Variants in INO80D observed in about 807,000 individuals in gnomAD.
INO80D encodes the protein INO80 complex subunit D.
In INO80D, 21 loss-of-function variants were observed where a neutral mutation model predicts 87.6. The observed-to-expected ratio is 0.24, with a 90% CI of 0.17 to 0.35. The LOEUF (loss-of-function observed/expected upper bound fraction) is 0.35, where lower values mean the gene tolerates loss of function less well. Ranked by LOEUF, INO80D falls within the 10% of genes least tolerant of loss-of-function variation. The pLI is 1.00. For missense variants in INO80D, 982 were observed against 1,280.7 expected (o/e 0.77, Z 3.56); for synonymous variants, 440 against 491.0 (o/e 0.90, Z 1.37).
chr2:206,050,699 T>C (rs556890742), intron 4 of INO80D, among the ~76,000 whole-genome samples: 2 of 152,232 alleles, frequency 1.3e-5, no homozygotes, highest in Non-Finnish European at 2.9e-5. Flanking sequence ...CCGGGCGCGG[T>C]GGCTCACGCC....
intron 6 of INO80D, among the ~76,000 whole-genome samples, chr2:206,027,837 A>AT (rs2105833220): frequency 6.6e-6 from 1 of 152,296 alleles, no homozygotes; most frequent in Non-Finnish European, 1.5e-5. Flanking sequence ...TAAGCATTCT[A>AT]TTTTTTTAAA....
chr2:206,015,809 C>A (rs533387996), intron 8 of INO80D, among the ~76,000 whole-genome samples: 1 of 152,110 alleles, frequency 6.6e-6, no homozygotes, highest in African/African-American at 2.4e-5. Flanking sequence ...ATTGCTTAAA[C>A]CTTGAAAGCA....
chr2:206,004,775 G>C lies in INO80D; in HGVS notation c.2677C>G (p.Leu893Val). The C allele has an allele frequency of 6.2e-7, 1 of 1,614,010 alleles. No individual in the cohort carries two copies. Among genetic ancestry groups the C allele is most frequent in the South Asian group, 1.1e-5 (1 of 91,080 alleles). The change falls in exon 11 of 11, where the codon CTC (leucine) becomes GTC (valine). Residue 893 changes from leucine (L) to valine (V), a missense_variant. Transcript: ENST00000403263. This position sits in a 1 kb window ranked among gnomAD's most constrained non-coding sequence, Gnocchi z 4.9. ...GAGGGGTCTCCAAGGTTGACAGGGA[G>C]ATTGCCCCAGTGAGTTCTGGGGTTT... is the stretch of plus-strand genomic sequence containing the variant. ...VVNPRTHWGN[L>V]PVNLGDPSPF... is the part of the protein sequence containing the mutation.
Position 206,018,203 on chromosome 2 carries a change from C to T in INO80D, c.1409-390G>A, listed in dbSNP as rs757448688. Among the ~76,000 whole-genome samples, 4 of 152,180 alleles carry T rather than the reference C, an allele frequency of 2.6e-5. No individual in the cohort carries two copies. In the South Asian group the frequency reaches 8.3e-4, roughly 31 times the overall value. On this transcript the variant is annotated intron_variant, in intron 7 of 10. Transcript: ENST00000403263. ...TTGCCCAGGCTGGAGTGCAATGGCA[C>T]GATCTCAGCTCACTGCCACCTCGGC...
chr2:206,014,230 T>C (rs1172166385), intron 8 of INO80D, among the ~76,000 whole-genome samples: 2 of 152,196 alleles, frequency 1.3e-5, no homozygotes, highest in African/African-American at 4.8e-5. Flanking sequence ...ATTCAACATT[T>C]GTAATATGTA....
At chr2:206,074,857 T>C (rs908471641) in intron 1 of INO80D, among the ~76,000 whole-genome samples, 1 of 152,098 alleles carries the variant, frequency 6.6e-6, no homozygotes, top group African/African-American at 2.4e-5. Flanking sequence ...GAGAATCGCT[T>C]AAACCCAGGA....
In INO80D at chr2:206,028,240, C is replaced by T. The variant is rs759502742; in HGVS notation, c.1169G>A (p.Arg390Gln). The T allele has an allele frequency of 3.7e-6, 6 of 1,613,620 alleles. No individual in the cohort carries two copies. The highest frequency in any genetic ancestry group is 1.7e-5 in the Admixed American group (1 of 59,986). The change falls in exon 6 of 11, where the codon CGG (arginine) becomes CAG (glutamine). Residue 390 changes from arginine (R) to glutamine (Q), a missense_variant. Coordinates refer to ENST00000403263, the MANE Select transcript of INO80D (RefSeq NM_017759.5). ...QKYKHLCRLE[R>Q]AESRQKKCRH... The stretch of plus-strand genomic sequence containing the variant: ...GCATTTCTTTTGACGAGATTCTGCC[C>T]GCTCCAGGCGGCAGAGGTGCTTATA...
intron 1 of INO80D, among the ~76,000 whole-genome samples, chr2:206,076,962 A>C (rs954860531): frequency 5.9e-5 from 9 of 152,204 alleles, no homozygotes; most frequent in Admixed American, 3.9e-4. Context: ...CCCAGCATAT[A>C]GTAATCACTT....
At chr2:206,011,066 G>A (rs976586160) in intron 8 of INO80D, among the ~76,000 whole-genome samples, 24 of 122,554 alleles carry the variant, frequency 2.0e-4, no homozygotes, top group Non-Finnish European at 3.4e-4. Flanking sequence ...CAACAAAAGC[G>A]AAACTCAGTC....
intron 8 of INO80D, among the ~76,000 whole-genome samples, chr2:206,013,291 C>A (rs758492290): frequency 2.6e-5 from 4 of 152,166 alleles, no homozygotes; most frequent in Non-Finnish European, 4.4e-5. Context: ...CGGTGGCTTA[C>A]GCCTGTAATC....
chr2:206,060,609 G>A (rs1027657310), intron 3 of INO80D, among the ~76,000 whole-genome samples: 9 of 149,912 alleles, frequency 6.0e-5, no homozygotes, highest in African/African-American at 2.0e-4. Context: ...TGCCCAGGCT[G>A]GAGTGCAATG....
At chr2:206,043,919 T>C (rs1436119319) in intron 5 of INO80D, among the ~76,000 whole-genome samples, 1 of 152,128 alleles carries the variant, frequency 6.6e-6, no homozygotes, top group East Asian at 1.9e-4. Context: ...AGGTCAGGCA[T>C]GGTCGCTCAT....
At position 206,000,268 on chromosome 2, in the gene INO80D, G is replaced by A. The variant is rs1040875070; in HGVS notation, c.*4100C>T. ...TTTCAAACCTCTTAATAAGTTTAGTGTTCATATACTCATCTTTTTGCAATA... is the reference window on the plus strand; with the variant it reads ...TTTCAAACCTCTTAATAAGTTTAGTATTCATATACTCATCTTTTTGCAATA... On this transcript the variant is annotated 3_prime_UTR_variant, in exon 11 of 11. Transcript: ENST00000403263. 3.3e-5 allele frequency: 5 copies of A among 151,744 alleles called. No individual in the cohort carries two copies. The highest frequency in any genetic ancestry group is 1.2e-4 in the African/African-American group (5 of 41,280). The allele number at this position is 151,744 out of a possible 1,614,324, so 9.4% of individuals were successfully genotyped here.
intron 4 of INO80D, among the ~76,000 whole-genome samples, chr2:206,054,189 T>C (rs1446813580): frequency 6.6e-6 from 1 of 151,412 alleles, no homozygotes; most frequent in Non-Finnish European, 1.5e-5. Flanking sequence ...TTTTCTTTTT[T>C]TTTTTTTTAT....
chr2:206,082,059 T>G (rs1166743282), intron 1 of INO80D, among the ~76,000 whole-genome samples: 2 of 152,212 alleles, frequency 1.3e-5, no homozygotes, highest in Non-Finnish European at 2.9e-5. Flanking sequence ...TTGCTCTGGT[T>G]GCCCAGGCTG....
intron 1 of INO80D, among the ~76,000 whole-genome samples, chr2:206,076,884 GATTGTA>G (rs1272438552): frequency 1.3e-5 from 2 of 152,170 alleles, no homozygotes; most frequent in African/African-American, 4.8e-5. Flanking sequence ...GTAAAGGGAA[GATTGTA>G]ATTGTATGTA....
intron 5 of INO80D, among the ~76,000 whole-genome samples, chr2:206,044,481 T>TAAAAAA (rs55925923): frequency 1.8e-5 from 2 of 112,522 alleles, no homozygotes; most frequent in Admixed American, 9.8e-5. Context: ...AAATACCTGT[T>TAAAAAA]AAAAAAAAAA....
rs184397111 is a variant in INO80D, at chr2:206,057,040, G to A, written c.219-97C>T. 7.2e-3 allele frequency: 8,692 copies of A among 1,213,414 alleles called. 35 individuals are homozygous for A. Among genetic ancestry groups the A allele is most frequent in the Non-Finnish European group, 8.8e-3 (7,827 of 891,196 alleles). 75.2% of individuals were successfully genotyped at this position (1,213,414 alleles called of 1,614,324 possible). ...TGAGAATCCTAATGTTAAAAATTGC[G>A]TCACTATAGTGACTCTTGGCAGCCA... On this transcript the variant is annotated intron_variant, in intron 3 of 10. Coordinates refer to ENST00000403263, the MANE Select transcript of INO80D (RefSeq NM_017759.5).
Position 205,994,183 on chromosome 2 carries a change from A to C in INO80D, c.*10185T>G, listed in dbSNP as rs1687765783. ...GTCTGTGCAGAAACAAGTGGCTCCT[A>C]ACTTTTGTGCATATAATTAAACTCC... On this transcript the variant is annotated 3_prime_UTR_variant, in exon 11 of 11. Transcript: ENST00000403263. 6.6e-6 allele frequency: 1 copy of C among 152,144 alleles called. No individual in the cohort carries two copies. The highest frequency in any genetic ancestry group is 1.5e-5 in the Non-Finnish European group (1 of 68,028). The allele number at this position is 152,144 out of a possible 1,614,324, so 9.4% of individuals were successfully genotyped here.
Sources: gnomAD v4.1 joint callset for allele counts (sites outside exome capture counted in the v4.1 genomes callset) on GRCh38, gnomAD v4.1.1 for gene constraint, Gnocchi (gnomAD v3.1) non-coding constraint, MANE v1.5 for transcripts, NCBI Gene and HGNC (gene_info 2026-07-23, HGNC 2026-07-21) for gene names.